Variants in NBEA observed in about 807,000 individuals in gnomAD.
NBEA encodes the protein neurobeachin.
NBEA carries 44 observed loss-of-function variants against 343.4 expected under a neutral mutation model. The observed-to-expected ratio is 0.13, with a 90% CI of 0.10 to 0.16. NBEA has a LOEUF of 0.16. NBEA is among the 10% of genes least tolerant of loss of function. NBEA has a pLI of 1.00. For missense variants in NBEA, 2,555 were observed against 3,631.3 expected (o/e 0.70, Z 7.62); for synonymous variants, 1,175 against 1,238.7 (o/e 0.95, Z 1.08).
intron 48 of NBEA, among the ~76,000 whole-genome samples, chr13:35,618,464 G>A (rs1226875955): frequency 2.0e-5 from 3 of 151,992 alleles, no homozygotes; most frequent in African/African-American, 7.2e-5. Context: ...TTAAGTTATG[G>A]ACAATAACAT....
intron 1 of NBEA, among the ~76,000 whole-genome samples, chr13:35,000,369 GGTTCTGGTCCT>G (rs993592651): frequency 1.6e-4 from 24 of 151,930 alleles, no homozygotes; most frequent in African/African-American, 5.3e-4. Flanking sequence ...AGTAAGCTAT[GGTTCTGGTCCT>G]GTTTCGGAGA....
chr13:35,654,332 A>G (rs2084700056), intron 53 of NBEA, among the ~76,000 whole-genome samples: 1 of 152,148 alleles, frequency 6.6e-6, no homozygotes, highest in Non-Finnish European at 1.5e-5. Flanking sequence ...CAGGCCTGTA[A>G]AGCTGCTGAC....
At position 35,056,003 on chromosome 13, in the gene NBEA, A is replaced by G; in HGVS notation, c.973-7A>G. 2 of 1,571,508 alleles carry G rather than the reference A, an allele frequency of 1.3e-6. No homozygotes were observed. Among genetic ancestry groups the G allele is most frequent in the South Asian group, 2.5e-5 (2 of 81,360 alleles). ...ACATATTGATATATTTAATTTTTTTATTTAAGTGGTACATGATCAGCATTG... is the reference window on the plus strand; with the variant it reads ...ACATATTGATATATTTAATTTTTTTGTTTAAGTGGTACATGATCAGCATTG... On this transcript the variant is annotated splice_polypyrimidine_tract_variant and splice_region_variant and intron_variant, in intron 6 of 58. Coordinates refer to ENST00000379939, the MANE Select transcript of NBEA (RefSeq NM_001385012.1).
rs754499163 is a variant in NBEA, at chr13:35,161,773, C to A, written c.3885C>A (p.Thr1295=). The A allele has an allele frequency of 1.9e-6, 3 of 1,611,414 alleles. No individual in the cohort carries two copies. Among genetic ancestry groups the A allele is most frequent in the Non-Finnish European group, 2.5e-6 (3 of 1,178,900 alleles). Residue 1295 remains threonine (T), a synonymous_variant, in exon 23 of 59, where the codon ACC becomes ACA. Transcript: ENST00000379939. ...AGGCTGTGCAGGGTCGGTCTATCAC[C>A]CAACAAGACCGAGATCTCCGAGTTG... ...TTQAVQGRSI[T]QQDRDLRVDL... is the part of the protein sequence containing the mutation.
At chr13:35,184,560 AAAG>A (rs2071553604) in intron 30 of NBEA, among the ~76,000 whole-genome samples, 1 of 152,130 alleles carries the variant, frequency 6.6e-6, no homozygotes, top group Non-Finnish European at 1.5e-5. Flanking sequence ...TTAAACATGC[AAAG>A]AAGGAGAAAA....
chr13:35,569,992 G>C (rs559890742), intron 45 of NBEA, among the ~76,000 whole-genome samples: 48 of 152,270 alleles, frequency 3.2e-4, no homozygotes, highest in African/African-American at 1.1e-3. Flanking sequence ...AGTAACTGAA[G>C]ATATAAACAT....
chr13:35,240,758 A>G (rs1176719227), intron 34 of NBEA, among the ~76,000 whole-genome samples: 1 of 151,822 alleles, frequency 6.6e-6, no homozygotes, highest in African/African-American at 2.4e-5. Context: ...TTATCATAAA[A>G]ATCAGAATAA....
At chr13:35,481,190 T>G (rs2152966835) in intron 41 of NBEA, among the ~76,000 whole-genome samples, 1 of 152,094 alleles carries the variant, frequency 6.6e-6, no homozygotes, top group East Asian at 1.9e-4. Context: ...TCTACAGTGT[T>G]GCTTAATAAG....
rs547593879 is a variant in NBEA, at chr13:35,606,665, A to G, written c.7449+87A>G. ...GTTTTGTCCTGTTCTTTACTATAAT[A>G]TTACCAATTATACTTAACATCTATA... On this transcript the variant is annotated intron_variant, in intron 48 of 58. Coordinates refer to ENST00000379939, the MANE Select transcript of NBEA (RefSeq NM_001385012.1). The G allele has an allele frequency of 4.9e-6, 5 of 1,014,726 alleles. No homozygotes were observed. In the African/African-American group the frequency reaches 8.2e-5, roughly 17 times the overall value. 62.9% of individuals were successfully genotyped at this position (1,014,726 alleles called of 1,614,324 possible).
chr13:35,327,910 A>AT (rs2038676644), intron 36 of NBEA, among the ~76,000 whole-genome samples: 2 of 151,618 alleles, frequency 1.3e-5, no homozygotes, highest in African/African-American at 4.8e-5. Flanking sequence ...TTCCTGATAT[A>AT]TAAAAAAAAA....
intron 36 of NBEA, among the ~76,000 whole-genome samples, chr13:35,337,000 A>T (rs2039302190): frequency 6.6e-6 from 1 of 152,112 alleles, no homozygotes; most frequent in Non-Finnish European, 1.5e-5. Flanking sequence ...AAACATGCCC[A>T]TATACCCTTG....
chr13:35,574,602 A>G (rs890111464), intron 45 of NBEA, among the ~76,000 whole-genome samples: 2 of 152,030 alleles, frequency 1.3e-5, no homozygotes, highest in Non-Finnish European at 2.9e-5. Flanking sequence ...GAAAGTGCCT[A>G]AAGCTGGATG....
intron 10 of NBEA, among the ~76,000 whole-genome samples, chr13:35,093,444 A>G (rs1364443031): frequency 1.3e-5 from 2 of 151,936 alleles, no homozygotes; most frequent in Non-Finnish European, 2.9e-5. Context: ...TTGTGTATTC[A>G]GCTGTTTATC....
chr13:35,623,752 C>T (rs975761440), intron 48 of NBEA, among the ~76,000 whole-genome samples: 1 of 151,982 alleles, frequency 6.6e-6, no homozygotes, highest in Non-Finnish European at 1.5e-5. Context: ...TTGAGACTTA[C>T]AAGGCTTATG....
chr13:35,261,915 C>T (rs910293732), intron 34 of NBEA, among the ~76,000 whole-genome samples: 6 of 152,104 alleles, frequency 3.9e-5, no homozygotes, highest in Non-Finnish European at 8.8e-5. Context: ...AAAATTACCA[C>T]GTAACATAAG....
intron 55 of NBEA, among the ~76,000 whole-genome samples, chr13:35,661,346 C>T (rs910759214): frequency 6.6e-6 from 1 of 152,100 alleles, no homozygotes; most frequent in African/African-American, 2.4e-5. Flanking sequence ...AAGAGGTTGT[C>T]CTGCAGTGGC....
At chr13:35,662,043 C>A (rs949286760) in intron 55 of NBEA, among the ~76,000 whole-genome samples, 10 of 152,116 alleles carry the variant, frequency 6.6e-5, no homozygotes, top group Non-Finnish European at 4.4e-5. Context: ...TTTACTTTGG[C>A]CATTTCTCTA....
chr13:35,589,015 G>T (rs761979873), intron 46 of NBEA, among the ~76,000 whole-genome samples: 1 of 152,010 alleles, frequency 6.6e-6, no homozygotes, highest in Non-Finnish European at 1.5e-5. Context: ...AAACATTTTT[G>T]CAAGTGTTGT....
intron 34 of NBEA, among the ~76,000 whole-genome samples, chr13:35,271,129 C>T (rs751059446): frequency 6.6e-6 from 1 of 152,176 alleles, no homozygotes; most frequent in Non-Finnish European, 1.5e-5. Context: ...AGGTGGATGC[C>T]CCTCTGGGAC....
Sources: allele counts gnomAD v4.1 joint callset (sites outside exome capture counted in the v4.1 genomes callset), GRCh38; gene constraint gnomAD v4.1.1; transcripts MANE v1.5; gene names NCBI Gene and HGNC (gene_info 2026-07-23, HGNC 2026-07-21).